The following RGS7 variants were observed in gnomAD, a reference collection of about 807,000 sequenced individuals.
RGS7 encodes regulator of G protein signaling 7, also known as regulator of G-protein signaling 7.
In RGS7, 27 loss-of-function variants were observed where a neutral mutation model predicts 81.1. The ratio of observed to expected loss-of-function variants is 0.33; its 90% confidence interval spans 0.25 to 0.46. The LOEUF is 0.46. Ranked by LOEUF, RGS7 falls within the 20% of genes least tolerant of loss-of-function variation. RGS7 has a pLI of 1.00. For synonymous variants in RGS7, 208 were observed against 207.7 expected (o/e 1.00, Z -0.01); for missense variants, 396 against 607.4 (o/e 0.65, Z 3.66).
chr1:241,249,993 A>C (rs971188400), intron 2 of RGS7, among the ~76,000 whole-genome samples: 3 of 152,208 alleles, frequency 2.0e-5, no homozygotes, highest in African/African-American at 7.2e-5. Context: ...GAAATATGTA[A>C]AACCAATCAC....
intron 3 of RGS7, among the ~76,000 whole-genome samples, chr1:241,090,502 T>G (rs2063806543): frequency 6.6e-6 from 1 of 152,130 alleles, no homozygotes; most frequent in South Asian, 2.1e-4. Flanking sequence ...AAGGTCTGAA[T>G]TAGAAACATA....
intron 3 of RGS7, among the ~76,000 whole-genome samples, chr1:241,051,469 A>G (rs2061246311): frequency 1.3e-5 from 2 of 149,210 alleles, no homozygotes; most frequent in African/African-American, 5.0e-5. Context: ...GCCAACCAAT[A>G]TAGCAAAGCA....
At chr1:241,214,522 A>C (rs1433530352) in intron 2 of RGS7, among the ~76,000 whole-genome samples, 3 of 152,074 alleles carry the variant, frequency 2.0e-5, no homozygotes, top group Middle Eastern at 3.4e-3. Flanking sequence ...GAGATTCTTG[A>C]ATCTGTGGGC....
intron 2 of RGS7, among the ~76,000 whole-genome samples, chr1:241,216,300 T>TA (rs532912292): frequency 3.3e-5 from 5 of 151,460 alleles, no homozygotes; most frequent in African/African-American, 1.2e-4. Context: ...AAAATAAAAA[T>TA]AAAAAAAGGA....
chr1:241,117,010 A>C (rs919354403), intron 2 of RGS7, among the ~76,000 whole-genome samples: 6 of 152,180 alleles, frequency 3.9e-5, no homozygotes, highest in Non-Finnish European at 7.3e-5. Flanking sequence ...CGATAGATGT[A>C]AGGTTACACA....
intron 2 of RGS7, among the ~76,000 whole-genome samples, chr1:241,166,144 T>C (rs1182063122): frequency 6.6e-6 from 1 of 151,822 alleles, no homozygotes; most frequent in Non-Finnish European, 1.5e-5. Flanking sequence ...GATTTACACA[T>C]AGTGGCCAGA....
Position 241,023,745 on chromosome 1 carries a change from T to C in RGS7, c.176-40616A>G, listed in dbSNP as rs76092934. ...TTACAATGCTTTTCATATTGATTGATTGATTGATTGATTGATCAAGATGTA... is the reference window on the plus strand; with the variant it reads ...TTACAATGCTTTTCATATTGATTGACTGATTGATTGATTGATCAAGATGTA... On this transcript the variant is annotated intron_variant, in intron 3 of 18. Transcript: ENST00000440928. Among the ~76,000 whole-genome samples, 571 of 152,320 alleles carry C rather than the reference T, an allele frequency of 3.7e-3. 5 individuals are homozygous for C. Among genetic ancestry groups the C allele is most frequent in the Middle Eastern group, 0.02 (6 of 294 alleles).
rs114449649 is a variant in RGS7 at position 241,239,674 on chromosome 1, G to A, written c.78+116025C>T. Among the ~76,000 whole-genome samples the A allele has an allele frequency of 9.3e-4, 141 of 152,200 alleles. 1 individual carries two copies. Among genetic ancestry groups the A allele is most frequent in the Non-Finnish European group, 1.0e-3 (68 of 68,014 alleles). On this transcript the variant is annotated intron_variant, in intron 2 of 18. Coordinates refer to ENST00000440928, the MANE Select transcript of RGS7 (RefSeq NM_001364886.1). ...TGCCTCCCATTCTCAGTCTAGATCCGTGGTTCTCAAGGTTCTCAAGGGAAC... is the reference window on the plus strand; with the variant it reads ...TGCCTCCCATTCTCAGTCTAGATCCATGGTTCTCAAGGTTCTCAAGGGAAC...
At chr1:241,135,858 C>T (rs942221206) in intron 2 of RGS7, among the ~76,000 whole-genome samples, 1 of 151,598 alleles carries the variant, frequency 6.6e-6, no homozygotes, top group Non-Finnish European at 1.5e-5. Flanking sequence ...CCACAACCTC[C>T]GCCTCCCGGG....
chr1:241,284,712 T>G (rs2078700152), intron 2 of RGS7, among the ~76,000 whole-genome samples: 1 of 152,222 alleles, frequency 6.6e-6, no homozygotes, highest in South Asian at 2.1e-4. Context: ...GTGAGAGTGC[T>G]GGGGAACCCC....
At chr1:241,296,806 T>C (rs1167832803) in intron 2 of RGS7, among the ~76,000 whole-genome samples, 1 of 152,258 alleles carries the variant, frequency 6.6e-6, no homozygotes, top group Non-Finnish European at 1.5e-5. Context: ...ATATTTTCTA[T>C]AATTACTGGA....
At chr1:241,339,502 A>C (rs2082419361) in intron 2 of RGS7, among the ~76,000 whole-genome samples, 1 of 152,230 alleles carries the variant, frequency 6.6e-6, no homozygotes, top group Non-Finnish European at 1.5e-5. Context: ...AATTGGTTAA[A>C]ATTCAGTTTG....
At chr1:241,287,748 T>TAC (rs3052436) in intron 2 of RGS7, among the ~76,000 whole-genome samples, 56,801 of 150,744 alleles carry the variant, frequency 0.38, 11,767 homozygotes, top group East Asian at 0.53. Flanking sequence ...AACACACACA[T>TAC]ACACACACAC....
chr1:241,138,621 T>G (rs953269959), intron 2 of RGS7, among the ~76,000 whole-genome samples: 2 of 152,226 alleles, frequency 1.3e-5, no homozygotes, highest in African/African-American at 4.8e-5. Context: ...TTAAGGTGAT[T>G]GCGTAGCCGG....
chr1:241,272,893 C>T (rs548666891), intron 2 of RGS7, among the ~76,000 whole-genome samples: 62 of 152,174 alleles, frequency 4.1e-4, no homozygotes, highest in African/African-American at 1.4e-3. Context: ...TCCAGCACAG[C>T]TGTTTGATTC....
At chr1:241,352,697 C>T (rs1276278816) in intron 2 of RGS7, among the ~76,000 whole-genome samples, 3 of 152,178 alleles carry the variant, frequency 2.0e-5, no homozygotes, top group Non-Finnish European at 2.9e-5. Flanking sequence ...GAGTTTTATC[C>T]GCTGTACATT....
At chr1:241,056,353 C>A (rs1466432939) in intron 3 of RGS7, among the ~76,000 whole-genome samples, 5 of 152,190 alleles carry the variant, frequency 3.3e-5, no homozygotes, top group African/African-American at 7.2e-5. Context: ...TATCTTATCA[C>A]CCTGTTTCAG....
chr1:241,327,106 GAAA>G (rs1459627747), intron 2 of RGS7, among the ~76,000 whole-genome samples: 3 of 95,872 alleles, frequency 3.1e-5, no homozygotes, highest in Non-Finnish European at 4.5e-5. Context: ...AAGAAAGAAA[GAAA>G]GAAAGAAAGA....
At chr1:241,054,003 A>C (rs985679609) in intron 3 of RGS7, among the ~76,000 whole-genome samples, 2 of 152,160 alleles carry the variant, frequency 1.3e-5, no homozygotes, top group Non-Finnish European at 2.9e-5. Context: ...TCAGCAGTGT[A>C]AGAATGCACT....
Sources: allele counts gnomAD v4.1 joint callset (sites outside exome capture counted in the v4.1 genomes callset), GRCh38; gene constraint gnomAD v4.1.1; transcripts MANE v1.5; gene names NCBI Gene and HGNC (gene_info 2026-07-23, HGNC 2026-07-21).